Variants in SEZ6L2 observed in about 807,000 individuals in gnomAD.
SEZ6L2 encodes seizure related 6 homolog like 2.
Under a neutral mutation model 97.0 loss-of-function variants are expected in SEZ6L2, and 44 were observed. The observed-to-expected ratio is 0.45, with a 90% CI of 0.36 to 0.58. SEZ6L2 has a LOEUF of 0.58. SEZ6L2 is among the 20% of genes least tolerant of loss of function. The probability of loss-of-function intolerance (pLI) is 0.00; values close to 1 mark genes in which losing one functional copy is unlikely to be tolerated. For synonymous variants in SEZ6L2, 543 were observed against 546.1 expected (o/e 0.99, Z 0.08); for missense variants, 1,086 against 1,233.3 (o/e 0.88, Z 1.79).
intron 5 of SEZ6L2, among the ~76,000 whole-genome samples, chr16:29,894,395 C>A (rs530231250): frequency 2.0e-4 from 31 of 152,150 alleles, no homozygotes; most frequent in Admixed American, 2.6e-4. Context: ...CTTTTTCATC[C>A]ACTTAGCCAT....
chr16:29,874,556 T>TTTTTTTTG (rs2067861151), intron 12 of SEZ6L2, among the ~76,000 whole-genome samples: 4 of 71,980 alleles, frequency 5.6e-5, no homozygotes, highest in African/African-American at 8.1e-5. Context: ...GCTTGTTTTT[T>TTTTTTTTG]TTTTTTTTTT....
intron 7 of SEZ6L2, among the ~76,000 whole-genome samples, chr16:29,886,665 G>GA (rs2068148226): frequency 6.7e-6 from 1 of 149,212 alleles, no homozygotes; most frequent in African/African-American, 2.5e-5. Flanking sequence ...TGGGCGACAG[G>GA]GTGAGACTCC....
chr16:29,882,378 A>C (rs1394576164), intron 8 of SEZ6L2, among the ~76,000 whole-genome samples: 1 of 151,858 alleles, frequency 6.6e-6, no homozygotes, highest in Admixed American at 6.6e-5. Context: ...GGAGTTTGAG[A>C]CCAGCCTGAC....
intron 8 of SEZ6L2, among the ~76,000 whole-genome samples, chr16:29,882,406 G>A (rs1344819180): frequency 3.3e-5 from 5 of 151,766 alleles, no homozygotes; most frequent in African/African-American, 7.2e-5. Context: ...GTGAAACTCC[G>A]TCTCTACTAA....
intron 2 of SEZ6L2, 131 bp downstream of exon 2, chr16:29,897,720 ATC>A (rs1266301552): frequency 9.1e-7 from 1 of 1,097,630 alleles, no homozygotes; most frequent in African/African-American, 1.6e-5. Flanking sequence ...TGTTCCCTGA[ATC>A]TCACAGGAAT....
chr16:29,897,205 G>A, intron 2 of SEZ6L2, 84 bp from the exon 3 acceptor site: 1 of 1,206,378 alleles, frequency 8.3e-7, no homozygotes, highest in Non-Finnish European at 1.1e-6. Flanking sequence ...GAAGCTAGGG[G>A]TTCCCCTGCC....
intron 14 of SEZ6L2, 40 bp from the exon 15 acceptor site, chr16:29,872,783 G>A: frequency 1.9e-6 from 3 of 1,558,744 alleles, no homozygotes; most frequent in Non-Finnish European, 2.6e-6. Flanking sequence ...GTCTGAGCCA[G>A]GGAGGGGAGG....
At chr16:29,882,885 T>G (rs1338515873) in intron 8 of SEZ6L2, among the ~76,000 whole-genome samples, 1 of 152,090 alleles carries the variant, frequency 6.6e-6, no homozygotes, top group Non-Finnish European at 1.5e-5. Flanking sequence ...CGTTAGCCAT[T>G]GTGCCTGGCC....
chr16:29,893,238 C>T (rs1426334441), intron 5 of SEZ6L2, among the ~76,000 whole-genome samples: 1 of 151,910 alleles, frequency 6.6e-6, no homozygotes, highest in African/African-American at 2.4e-5. Flanking sequence ...GCAGGAGAAT[C>T]GCTTGAACCC....
At chr16:29,897,236 A>G in intron 2 of SEZ6L2, 115 bp from the exon 3 acceptor site, 3 of 945,698 alleles carry the variant, frequency 3.2e-6, no homozygotes, top group Non-Finnish European at 4.6e-6. Flanking sequence ...AGCCTCCCGC[A>G]CAAGGTACAG....
rs529820559 is a variant in SEZ6L2, at chr16:29,878,763, CTTTTTTT to C, written c.1574-345_1574-339del. Among the ~76,000 whole-genome samples, 29 of 127,932 alleles carry C rather than the reference CTTTTTTT, an allele frequency of 2.3e-4. 1 individual carries two copies. The highest frequency in any genetic ancestry group is 4.3e-3 in the Middle Eastern group (1 of 234). 83.9% of individuals were successfully genotyped at this position (127,932 alleles called of 152,430 possible). On this transcript the variant is annotated intron_variant, in intron 9 of 17. Coordinates refer to ENST00000617533, the MANE Select transcript of SEZ6L2 (RefSeq NM_001243332.2). ...CACACCCTATTTTTTTTTCTTTTTT[CTTTTTTT>C]TTTTTTTTGTATTTTTAGTAGAGAC... is the stretch of plus-strand genomic sequence containing the variant.
At chr16:29,886,444 G>A (rs1447207107) in intron 7 of SEZ6L2, among the ~76,000 whole-genome samples, 2 of 152,078 alleles carry the variant, frequency 1.3e-5, no homozygotes, top group East Asian at 1.9e-4. Context: ...GGGAGGCTGA[G>A]GTGGGTGGAT....
At position 29,871,569 on chromosome 16, in the gene SEZ6L2, T is replaced by C; in HGVS notation, c.*130A>G. Reference sequence around the variant, plus strand: ...CTCCAGGGCCATCAAAGCCCCCTCGTGGGATAGGGAGACTATTTACACAGC... The same window carrying C: ...CTCCAGGGCCATCAAAGCCCCCTCGCGGGATAGGGAGACTATTTACACAGC... On this transcript the variant is annotated 3_prime_UTR_variant, in exon 18 of 18. Transcript: ENST00000617533. 1.1e-6 allele frequency: 1 copy of C among 904,212 alleles called. No individual in the cohort carries two copies. Among genetic ancestry groups the C allele is most frequent in the Admixed American group, 2.0e-5 (1 of 49,766 alleles). 56.0% of individuals were successfully genotyped at this position (904,212 alleles called of 1,614,324 possible).
chr16:29,887,779 G>A lies in SEZ6L2; in HGVS notation c.1078C>T (p.Arg360Cys), dbSNP rs201034422. The A allele has an allele frequency of 8.7e-6, 14 of 1,613,748 alleles. No individual in the cohort carries two copies. Among genetic ancestry groups the A allele is most frequent in the African/African-American group, 6.7e-5 (5 of 74,908 alleles). ...CCCCCAGGCTCTGGGGACACGATGC[G>A]GCCCAGGGTGGCATTGTGGATGGTG... is the stretch of plus-strand genomic sequence containing the variant. ...GGTIHNATLG[R>C]IVSPEPGGAV... The change falls in exon 7 of 18, where the codon CGC becomes TGC. Residue 360 changes from arginine (R) to cysteine (C), a missense_variant. By Grantham distance (180) the Arg-to-Cys change is radical (BLOSUM62 -3). Coordinates refer to ENST00000617533, the MANE Select transcript of SEZ6L2 (RefSeq NM_001243332.2).
chr16:29,892,404 T>A (rs1458725791), intron 5 of SEZ6L2, among the ~76,000 whole-genome samples: 1 of 152,204 alleles, frequency 6.6e-6, no homozygotes, highest in South Asian at 2.1e-4. Flanking sequence ...AAGGAGCCAG[T>A]GGGGAGCCAT....
Position 29,873,499 on chromosome 16 carries a change from G to C in SEZ6L2, c.2296+39C>G. 1 of 1,613,966 alleles carries C rather than the reference G, an allele frequency of 6.2e-7. No individual in the cohort carries two copies. Among genetic ancestry groups the C allele is most frequent in the South Asian group, 1.1e-5 (1 of 91,058 alleles). ...CACGGGGCAGACGGGCTCTCCCAGG[G>C]CTACCCAGCCACCCTCCCAGGGTGT... On this transcript the variant is annotated intron_variant, in intron 13 of 17. Transcript: ENST00000617533. The surrounding 1 kb of genome is among the most constrained non-coding windows in gnomAD (Gnocchi z 4.3).
chr16:29,895,484 G>A lies in SEZ6L2; in HGVS notation c.652-24C>T, dbSNP rs142789945. On this transcript the variant is annotated intron_variant, in intron 4 of 17. Transcript: ENST00000617533. ...ACCTAGAGAAGCCAGACACAGACCC[G>A]CCAGGGCAAGTCAGCCAGGTGTTTG... is the stretch of plus-strand genomic sequence containing the variant. The A allele has an allele frequency of 2.0e-4, 323 of 1,609,896 alleles. 1 individual carries two copies. Among genetic ancestry groups the A allele is most frequent in the Non-Finnish European group, 2.3e-4 (276 of 1,177,030 alleles).
intron 8 of SEZ6L2, among the ~76,000 whole-genome samples, chr16:29,884,506 C>A (rs1333506855): frequency 6.6e-6 from 1 of 151,384 alleles, no homozygotes; most frequent in East Asian, 1.9e-4. Flanking sequence ...GAATGAGAAT[C>A]GCTTGAACCT....
In SEZ6L2 at chr16:29,871,610, C is replaced by G. The variant is rs77367192; in HGVS notation, c.*89G>C. 8,776 of 1,354,652 alleles carry G rather than the reference C, an allele frequency of 6.5e-3. 386 individuals carry two copies. In the African/African-American group the frequency reaches 0.099, roughly 15 times the overall value. 83.9% of individuals were successfully genotyped at this position (1,354,652 alleles called of 1,614,324 possible). A position where few individuals can be genotyped will look rare whatever the true frequency, so the allele number is the denominator to read the frequency against. On this transcript the variant is annotated 3_prime_UTR_variant, in exon 18 of 18. Coordinates refer to ENST00000617533, the MANE Select transcript of SEZ6L2 (RefSeq NM_001243332.2). ...TTTACACAGCCAGGGAGGAGGGCAG[C>G]CAGGAGGCAGAGACCGGGTCCCGTA...
Sources: gnomAD v4.1 joint callset for allele counts (sites outside exome capture counted in the v4.1 genomes callset) on GRCh38, gnomAD v4.1.1 for gene constraint, Gnocchi (gnomAD v3.1) non-coding constraint, MANE v1.5 for transcripts, NCBI Gene and HGNC (gene_info 2026-07-23, HGNC 2026-07-21) for gene names.